CHD5: variants seen among roughly 807,000 people sequenced by gnomAD.
The protein encoded by CHD5 is chromodomain helicase DNA binding protein 5.
Under a neutral mutation model 230.3 loss-of-function variants are expected in CHD5, and 69 were observed. That is an observed-to-expected ratio of 0.30 (90% CI 0.25 to 0.37). The LOEUF is 0.37. Ranked by LOEUF, CHD5 falls within the 10% of genes least tolerant of loss-of-function variation. CHD5 has a pLI of 1.00. For missense variants in CHD5, 1,827 were observed against 2,622.8 expected (o/e 0.70, Z 6.63); for synonymous variants, 1,064 against 1,065.9 (o/e 1.00, Z 0.03).
rs2100882263 is a variant in CHD5, at chr1:6,168,270, T to A, written c.87A>T (p.Glu29Asp). The A allele has an allele frequency of 3.8e-6, 6 of 1,594,044 alleles. No homozygotes were observed. The South Asian group carries it at 6.7e-5, about 18-fold the overall frequency. The change falls in exon 2 of 42, where the codon GAA becomes GAT. Residue 29 changes from glutamate (E) to aspartate (D), a missense_variant. By Grantham distance (45) the Glu-to-Asp change is conservative. Around this residue, in one of 14 missense-constraint regions of CHD5, gnomAD observed 113 missense variants for 91.9 expected, o/e 1.23. Coordinates refer to ENST00000262450, the MANE Select transcript of CHD5 (RefSeq NM_015557.3). ...CATCGAAGGCTTCAAGACCACCATC[T>A]TCTTCTTCTGGAAAAATCAGAAGGT... The part of the protein sequence containing the change: ...MENEDEMSEE[E>D]DGGLEAFDDF...
At chr1:6,164,005 C>T (rs1667215816) in intron 2 of CHD5, among the ~76,000 whole-genome samples, 1 of 152,222 alleles carries the variant, frequency 6.6e-6, no homozygotes, top group African/African-American at 2.4e-5. Context: ...CTATGTGTGC[C>T]AGGAGGCAGG....
At chr1:6,114,305 G>C (rs1666341220) in intron 33 of CHD5, among the ~76,000 whole-genome samples, 1 of 151,344 alleles carries the variant, frequency 6.6e-6, no homozygotes, top group Admixed American at 6.6e-5. Context: ...TCTAAACCCA[G>C]AAAACAATGA....
intron 15 of CHD5, among the ~76,000 whole-genome samples, chr1:6,141,304 T>A (rs879866912): frequency 3.6e-4 from 49 of 135,408 alleles, no homozygotes; most frequent in Non-Finnish European, 2.1e-4. Context: ...ATAATAATAA[T>A]TAATAATAAT....
rs766709340 is a variant in CHD5 at position 6,154,712 on chromosome 1, C to CGG, written c.691_692dup (p.Gln232ArgfsTer22). ...GGATAGGCACAGGCTGGGGCACCTG[C>CGG]GGGGGGCTGACGGCTAGCGGAGGGG... On this transcript the variant is annotated frameshift_variant, in exon 5 of 42. Coordinates refer to ENST00000262450, the MANE Select transcript of CHD5 (RefSeq NM_015557.3). LOFTEE classifies it high-confidence loss of function. This position sits in a 1 kb window ranked among gnomAD's most constrained non-coding sequence, Gnocchi z 7.0. 1 of 1,604,078 alleles carries CGG rather than the reference C, an allele frequency of 6.2e-7. No homozygotes were observed. Among genetic ancestry groups the CGG allele is most frequent in the Admixed American group, 1.7e-5 (1 of 59,454 alleles).
Position 6,106,690 on chromosome 1 carries a change from C to T in CHD5, c.5668G>A (p.Ala1890Thr), listed in dbSNP as rs374719409. Residue 1890 changes from alanine (A) to threonine (T), a missense_variant, in exon 39 of 42, where the codon GCC becomes ACC. Transcript: ENST00000262450. ...CTGCGCTCCGACATCTGCAGCCGGG[C>T]GGCCACCGGGGGGATGCGGGACAGC... is the stretch of plus-strand genomic sequence containing the variant. ...SMLSRIPPVA[A>T]RLQMSERSIL... is the part of the protein sequence containing the mutation. The T allele has an allele frequency of 6.8e-6, 11 of 1,611,224 alleles. No homozygotes were observed. Among genetic ancestry groups the T allele is most frequent in the East Asian group, 2.2e-5 (1 of 44,832 alleles).
At chr1:6,110,600 G>T in intron 36 of CHD5, 74 bp from the exon 37 acceptor site, 1 of 1,487,576 alleles carries the variant, frequency 6.7e-7, no homozygotes, top group Non-Finnish European at 9.2e-7. Context: ...AGCTCAGGGA[G>T]GGGGAGGGGC....
Position 6,104,888 on chromosome 1 carries a change from G to A in CHD5, c.*586C>T, listed in dbSNP as rs1666136197. The A allele has an allele frequency of 6.3e-6, 1 of 159,324 alleles. No individual in the cohort carries two copies. Among genetic ancestry groups the A allele is most frequent in the Non-Finnish European group, 1.4e-5 (1 of 72,356 alleles). 9.9% of individuals were successfully genotyped at this position (159,324 alleles called of 1,614,324 possible). On this transcript the variant is annotated 3_prime_UTR_variant, in exon 42 of 42. Transcript: ENST00000262450. ...CCCCAAACCTGCCCTGTCTGGTGCTGGGAGGCTCCAAGCGGGCAGGGGGCC... is the reference window on the plus strand; with the variant it reads ...CCCCAAACCTGCCCTGTCTGGTGCTAGGAGGCTCCAAGCGGGCAGGGGGCC...
At chr1:6,118,910 C>A (rs1346676530) in intron 33 of CHD5, among the ~76,000 whole-genome samples, 1 of 151,896 alleles carries the variant, frequency 6.6e-6, no homozygotes, top group African/African-American at 2.4e-5. Flanking sequence ...GTCGGCCAGG[C>A]TGGTCTCAAA....
rs766656349 is a variant in CHD5 at position 6,146,462 on chromosome 1, GGCC to G, written c.1591-42_1591-40del. 1 of 1,580,912 alleles carries G rather than the reference GGCC, an allele frequency of 6.3e-7. No individual in the cohort carries two copies. The highest frequency in any genetic ancestry group is 8.7e-7 in the Non-Finnish European group (1 of 1,153,992). ...GGCACAAAGTCACAGAAGGGAGATG[GGCC>G]ATGGTCCCCTGCATCTCCCTACCCA... On this transcript the variant is annotated intron_variant, in intron 10 of 41. Transcript: ENST00000262450. The surrounding 1 kb of genome is among the most constrained non-coding windows in gnomAD (Gnocchi z 5.1).
Position 6,125,005 on chromosome 1 carries a change from G to T in CHD5, c.4394+95C>A. On this transcript the variant is annotated intron_variant, in intron 29 of 41. Coordinates refer to ENST00000262450, the MANE Select transcript of CHD5 (RefSeq NM_015557.3). This position sits in a 1 kb window ranked among gnomAD's most constrained non-coding sequence, Gnocchi z 6.7. The stretch of plus-strand genomic sequence containing the variant: ...CTTTCCAGACGGCCTCATCCTGGCG[G>T]AAGCAAATGCTGCCCTCTGTGGGGC... 1 of 1,304,316 alleles carries T rather than the reference G, an allele frequency of 7.7e-7. No homozygotes were observed. The highest frequency in any genetic ancestry group is 1.0e-6 in the Non-Finnish European group (1 of 976,480). The allele number at this position is 1,304,316 out of a possible 1,614,324, so 80.8% of individuals were successfully genotyped here. A position where few individuals can be genotyped will look rare whatever the true frequency, so the allele number is the denominator to read the frequency against.
intron 5 of CHD5, among the ~76,000 whole-genome samples, chr1:6,153,294 C>T (rs905064739): frequency 1.3e-5 from 2 of 152,154 alleles, no homozygotes; most frequent in Non-Finnish European, 2.9e-5. Context: ...AGCTGGAGCG[C>T]GAGAGGAAAT....
chr1:6,132,585 C>A (rs1299981356), intron 20 of CHD5, among the ~76,000 whole-genome samples: 5 of 152,202 alleles, frequency 3.3e-5, no homozygotes, highest in Non-Finnish European at 7.3e-5. Flanking sequence ...TGGAGCATCT[C>A]AAGGTGTCTT....
chr1:6,179,455 G>A (rs980625701), intron 1 of CHD5, among the ~76,000 whole-genome samples: 1 of 152,108 alleles, frequency 6.6e-6, no homozygotes, highest in Non-Finnish European at 1.5e-5. Context: ...AAGCACCGCC[G>A]GTCCTCGCCC....
chr1:6,139,445 C>T (rs968426538), intron 15 of CHD5, among the ~76,000 whole-genome samples: 1 of 152,028 alleles, frequency 6.6e-6, no homozygotes, highest in Non-Finnish European at 1.5e-5. Flanking sequence ...CCGTGTTGGC[C>T]AGGCTGGTCT....
chr1:6,128,678 AGAG>A lies in CHD5; in HGVS notation c.3620-72_3620-70del. 1 of 1,382,982 alleles carries A rather than the reference AGAG, an allele frequency of 7.2e-7. No homozygotes were observed. The highest frequency in any genetic ancestry group is 1.0e-6 in the Non-Finnish European group (1 of 978,524). The allele number at this position is 1,382,982 out of a possible 1,614,324, so 85.7% of individuals were successfully genotyped here. On this transcript the variant is annotated intron_variant, in intron 23 of 41. Coordinates refer to ENST00000262450, the MANE Select transcript of CHD5 (RefSeq NM_015557.3). The surrounding 1 kb of genome is among the most constrained non-coding windows in gnomAD (Gnocchi z 7.8). ...GCTGCAGGGTTGGCGGGCAGTGCCCAGAGACACCACCCTGGGCTGTCCTAGCCA... is the reference window on the plus strand; with the variant it reads ...GCTGCAGGGTTGGCGGGCAGTGCCCAACACCACCCTGGGCTGTCCTAGCCA...
chr1:6,137,406 C>T (rs927358865), intron 15 of CHD5, among the ~76,000 whole-genome samples: 2 of 152,202 alleles, frequency 1.3e-5, no homozygotes, highest in Non-Finnish European at 2.9e-5. Context: ...CACGACCAGC[C>T]CTGGCTCTGG....
At chr1:6,166,081 C>G (rs533878512) in intron 2 of CHD5, among the ~76,000 whole-genome samples, 21 of 151,982 alleles carry the variant, frequency 1.4e-4, no homozygotes, top group South Asian at 1.0e-3. Flanking sequence ...CGGGAAGGGA[C>G]AGACACACAT....
intron 3 of CHD5, among the ~76,000 whole-genome samples, chr1:6,158,369 C>T (rs1293048305): frequency 6.6e-6 from 1 of 152,242 alleles, no homozygotes; most frequent in Non-Finnish European, 1.5e-5. Context: ...CACAAGTTCC[C>T]TTTCTACCAT....
intron 35 of CHD5, 83 bp downstream of exon 35, chr1:6,112,057 G>C (rs1208091438): frequency 2.7e-6 from 4 of 1,506,118 alleles, no homozygotes; most frequent in Non-Finnish European, 3.7e-6. Flanking sequence ...TCACACTCTA[G>C]TATAAAGTTA....
Sources: gnomAD v4.1 joint callset for allele counts (sites outside exome capture counted in the v4.1 genomes callset) on GRCh38, gnomAD v4.1.1 for gene constraint, gnomAD v4.1.1 regional missense constraint, Gnocchi (gnomAD v3.1) non-coding constraint, MANE v1.5 for transcripts, NCBI Gene and HGNC (gene_info 2026-07-23, HGNC 2026-07-21) for gene names.